Variants in FANCC observed in about 807,000 individuals in gnomAD.
FANCC encodes the protein Fanconi anemia group C protein.
FANCC carries 55 observed loss-of-function variants against 71.3 expected under a neutral mutation model. The observed-to-expected ratio is 0.77, with a 90% CI of 0.62 to 0.97. FANCC has a LOEUF of 0.97. Ranked by LOEUF, FANCC falls within the 50% of genes least tolerant of loss-of-function variation. The pLI, the probability that FANCC is intolerant of heterozygous loss-of-function variation, is 0.00. For synonymous variants in FANCC, 275 were observed against 244.9 expected (o/e 1.12, Z -1.15); for missense variants, 678 against 670.9 (o/e 1.01, Z -0.12).
chr9:95,158,627 C>A (rs1014760808), intron 6 of FANCC, among the ~76,000 whole-genome samples: 1 of 152,176 alleles, frequency 6.6e-6, no homozygotes, highest in Non-Finnish European at 1.5e-5. Flanking sequence ...AAATAAAATT[C>A]TATCATGTCA....
intron 1 of FANCC, among the ~76,000 whole-genome samples, chr9:95,291,973 T>G (rs62558272): frequency 9.0e-6 from 1 of 110,922 alleles, no homozygotes; most frequent in African/African-American, 3.2e-5. Context: ...AAAAAATATA[T>G]ATATATATAT....
chr9:95,117,399 G>C lies in FANCC; in HGVS notation c.997-9C>G, dbSNP rs774886992. On this transcript the variant is annotated splice_polypyrimidine_tract_variant and intron_variant, in intron 10 of 14. Transcript: ENST00000289081. ...TTGAGTGCAAACCGCAGCTGCCACAGGATGGAAAATCCAAAGAGCATGAAC... is the reference window on the plus strand; with the variant it reads ...TTGAGTGCAAACCGCAGCTGCCACACGATGGAAAATCCAAAGAGCATGAAC... 1.2e-6 allele frequency: 2 copies of C among 1,612,528 alleles called. No individual in the cohort carries two copies. The highest frequency in any genetic ancestry group is 1.7e-6 in the Non-Finnish European group (2 of 1,179,064).
At chr9:95,176,779 T>TA (rs1479873651) in intron 4 of FANCC, among the ~76,000 whole-genome samples, 1 of 152,242 alleles carries the variant, frequency 6.6e-6, no homozygotes, top group East Asian at 1.9e-4. Context: ...AGTAATGTAG[T>TA]ATGTAATTGA....
chr9:95,169,382 CCACAG>C (rs1204403773), intron 6 of FANCC, among the ~76,000 whole-genome samples: 1 of 152,168 alleles, frequency 6.6e-6, no homozygotes, highest in East Asian at 1.9e-4. Flanking sequence ...TTGGTACTAT[CCACAG>C]TTTCAGACAT....
At chr9:95,276,409 C>T (rs1833043821) in intron 1 of FANCC, among the ~76,000 whole-genome samples, 1 of 152,210 alleles carries the variant, frequency 6.6e-6, no homozygotes, top group Non-Finnish European at 1.5e-5. Flanking sequence ...TAATCCTTTT[C>T]TGGTCACAGG....
In FANCC at chr9:95,100,430, A is replaced by C. The variant is rs1231586499; in HGVS notation, c.*1277T>G. On this transcript the variant is annotated 3_prime_UTR_variant, in exon 15 of 15. Coordinates refer to ENST00000289081, the MANE Select transcript of FANCC (RefSeq NM_000136.3). Reference sequence around the variant, plus strand: ...TTCCCTAAAGGTTAACTTCTAATCCAGCAAAACTTTGCTCATACCTCAAAA... The same window carrying C: ...TTCCCTAAAGGTTAACTTCTAATCCCGCAAAACTTTGCTCATACCTCAAAA... The C allele has an allele frequency of 4.3e-6, 1 of 231,406 alleles. No individual in the cohort carries two copies. The highest frequency in any genetic ancestry group is 8.6e-6 in the Non-Finnish European group (1 of 116,940). 14.3% of individuals were successfully genotyped at this position (231,406 alleles called of 1,614,324 possible). A position where few individuals can be genotyped will look rare whatever the true frequency, so the allele number is the denominator to read the frequency against.
At chr9:95,312,512 C>T (rs1835468017) in intron 1 of FANCC, among the ~76,000 whole-genome samples, 1 of 152,144 alleles carries the variant, frequency 6.6e-6, no homozygotes, top group African/African-American at 2.4e-5. Flanking sequence ...CACACCACTC[C>T]CAGATAATTT....
At chr9:95,277,411 T>G (rs1202985421) in intron 1 of FANCC, among the ~76,000 whole-genome samples, 1 of 152,216 alleles carries the variant, frequency 6.6e-6, no homozygotes, top group African/African-American at 2.4e-5. Context: ...ATGACGGATA[T>G]GCTAATCATC....
chr9:95,297,800 A>G (rs1190997378), intron 1 of FANCC, among the ~76,000 whole-genome samples: 1 of 152,220 alleles, frequency 6.6e-6, no homozygotes, highest in African/African-American at 2.4e-5. Context: ...ACAAAATGTC[A>G]CAATAAAATT....
At chr9:95,171,222 A>G (rs945643869) in intron 5 of FANCC, 79 bp from the exon 6 acceptor site, 27 of 1,120,236 alleles carry the variant, frequency 2.4e-5, no homozygotes, top group Admixed American at 1.2e-4. Flanking sequence ...GGTGTGAGTG[A>G]TATTTCCGTT....
chr9:95,244,715 C>CAAAAAAAA (rs1830852649), intron 3 of FANCC, among the ~76,000 whole-genome samples: 1 of 110,116 alleles, frequency 9.1e-6, no homozygotes, highest in African/African-American at 3.6e-5. Flanking sequence ...AAAAAAAAAC[C>CAAAAAAAA]CAACACTTGG....
Position 95,130,913 on chromosome 9 carries a change from T to G in FANCC, c.844-4332A>C, listed in dbSNP as rs1171258688. On this transcript the variant is annotated intron_variant, in intron 8 of 14. Coordinates refer to ENST00000289081, the MANE Select transcript of FANCC (RefSeq NM_000136.3). ...GTACAATGAGGCACCTTTATAAATA[T>G]GTATTTTTTATTATGCCATTTGCTT... Among the ~76,000 whole-genome samples, 3 of 152,250 alleles carry G rather than the reference T, an allele frequency of 2.0e-5. No homozygotes were observed. The East Asian group carries it at 5.8e-4, about 29-fold the overall frequency.
chr9:95,249,522 C>T (rs1159737082), intron 1 of FANCC, among the ~76,000 whole-genome samples, 153 bp from the exon 2 acceptor site: 2 of 152,188 alleles, frequency 1.3e-5, no homozygotes, highest in African/African-American at 4.8e-5. Flanking sequence ...AATATGTCAT[C>T]CAGCTGGAGC....
chr9:95,308,304 G>A (rs1020068808), intron 1 of FANCC, among the ~76,000 whole-genome samples: 8 of 151,418 alleles, frequency 5.3e-5, no homozygotes, highest in Admixed American at 1.3e-4. Context: ...GAGTGCAGTG[G>A]TGCAATCACA....
intron 13 of FANCC, chr9:95,110,154 G>C (rs1435658059): frequency 1.4e-6 from 1 of 728,162 alleles, no homozygotes; most frequent in Non-Finnish European, 1.7e-6. Context: ...AACTACGCAA[G>C]GGTTTTATTT....
intron 1 of FANCC, among the ~76,000 whole-genome samples, chr9:95,271,878 T>C (rs1025042956): frequency 6.8e-6 from 1 of 147,994 alleles, no homozygotes; most frequent in African/African-American, 2.5e-5. Context: ...ACCAACCACC[T>C]TCCAAAGTAT....
At chr9:95,317,109 T>C (rs1302061473) in intron 1 of FANCC, 1 of 152,358 alleles carries the variant, frequency 6.6e-6, no homozygotes, top group East Asian at 1.9e-4. Flanking sequence ...CTCCCACGAG[T>C]CCGAGGCAGA....
rs79505818 is a variant in FANCC, at chr9:95,238,847, C to T, written c.345+1802G>A. 4.3e-4 allele frequency among the ~76,000 whole-genome samples: 66 copies of T among 152,234 alleles called. 1 individual carries two copies. In the East Asian group the frequency reaches 8.1e-3, roughly 19 times the overall value. On this transcript the variant is annotated intron_variant, in intron 4 of 14. Transcript: ENST00000289081. Reference sequence around the variant, plus strand: ...CCCAAAGTGCTGGGGCATGAGCCACCGCGCCCAGGCATGATTTCTCTGTTT... The same window carrying T: ...CCCAAAGTGCTGGGGCATGAGCCACTGCGCCCAGGCATGATTTCTCTGTTT...
intron 6 of FANCC, among the ~76,000 whole-genome samples, chr9:95,159,097 T>C (rs912688633): frequency 4.6e-5 from 7 of 152,214 alleles, no homozygotes; most frequent in Middle Eastern, 3.4e-3. Context: ...GTTTGTTACA[T>C]AGGTATACAC....
Sources: gnomAD v4.1 joint callset for allele counts (sites outside exome capture counted in the v4.1 genomes callset) on GRCh38, gnomAD v4.1.1 for gene constraint, MANE v1.5 for transcripts, NCBI Gene and HGNC (gene_info 2026-07-23, HGNC 2026-07-21) for gene names.